Variants in BCLAF3 observed in about 807,000 individuals in gnomAD.
The protein encoded by BCLAF3 is BCLAF1 and THRAP3 family member 3, also known as transient octamer binding factor 1.
In BCLAF3, 24 loss-of-function variants were observed where a neutral mutation model predicts 51.2. That is an observed-to-expected ratio of 0.47 (90% CI 0.34 to 0.66). The LOEUF (loss-of-function observed/expected upper bound fraction) is 0.66, where lower values mean the gene tolerates loss of function less well. Ranked by LOEUF, BCLAF3 falls within the 30% of genes least tolerant of loss-of-function variation. The pLI is 0.01. For synonymous variants in BCLAF3, 152 were observed against 176.6 expected (o/e 0.86, Z 1.10); for missense variants, 465 against 525.1 (o/e 0.89, Z 1.12).
At chrX:19,928,302 G>T (rs1233144308) in intron 11 of BCLAF3, among the ~76,000 whole-genome samples, 1 of 110,695 alleles carries the variant, frequency 9.0e-6, no homozygotes, top group African/African-American at 3.3e-5. Context: ...AGAGTTATCG[G>T]CCAGGCGTGG....
chrX:19,958,195 T>C (rs2071730366), intron 4 of BCLAF3, among the ~76,000 whole-genome samples: 1 of 112,180 alleles, frequency 8.9e-6, no homozygotes, highest in African/African-American at 3.2e-5. Context: ...TAAGGATATT[T>C]CCACTGATGT....
chrX:19,930,636 TG>T, intron 10 of BCLAF3: 1 of 213,850 alleles, frequency 4.7e-6, no homozygotes, highest in South Asian at 5.4e-5. Flanking sequence ...CACTCCAGTC[TG>T]GGTGACAGAG....
intron 4 of BCLAF3, among the ~76,000 whole-genome samples, chrX:19,964,170 C>T (rs2071961373): frequency 9.0e-6 from 1 of 111,358 alleles, no homozygotes. Flanking sequence ...ATAAACATAC[C>T]AAATCAACAT....
In BCLAF3 at chrX:19,976,477, G is replaced by A. The variant is rs1329942077; in HGVS notation, c.-34-6179C>T. 5.4e-5 allele frequency among the ~76,000 whole-genome samples: 6 copies of A among 110,924 alleles called. No individual in the cohort carries two copies. The East Asian group carries it at 8.5e-4, about 16-fold the overall frequency. ...GCAATCTCGGCTCCCTGCAGCCTCCGCCTCTCGGGTTCCAGCGATTCTCCT... is the reference window on the plus strand; with the variant it reads ...GCAATCTCGGCTCCCTGCAGCCTCCACCTCTCGGGTTCCAGCGATTCTCCT... On this transcript the variant is annotated intron_variant, in intron 1 of 11. Coordinates refer to ENST00000379682, the MANE Select transcript of BCLAF3 (RefSeq NM_001367774.2).
At chrX:19,964,402 G>A (rs1226403524) in intron 4 of BCLAF3, among the ~76,000 whole-genome samples, 4 of 111,538 alleles carry the variant, frequency 3.6e-5, no homozygotes, top group Non-Finnish European at 7.5e-5. Context: ...TAAAGTAAAT[G>A]TCTTATAAAT....
intron 1 of BCLAF3, among the ~76,000 whole-genome samples, chrX:19,981,260 T>G (rs1393264506): frequency 1.8e-5 from 2 of 111,339 alleles, no homozygotes; most frequent in Non-Finnish European, 3.8e-5. Context: ...TCTATAAAAC[T>G]TAGAAGAAAA....
intron 4 of BCLAF3, among the ~76,000 whole-genome samples, chrX:19,958,896 C>T (rs992722687): frequency 8.9e-6 from 1 of 112,374 alleles, no homozygotes; most frequent in African/African-American, 3.2e-5. Flanking sequence ...GATTGCTCCT[C>T]CCCTAATTCC....
intron 1 of BCLAF3, among the ~76,000 whole-genome samples, chrX:19,989,445 G>A (rs112530621): frequency 0.018 from 2,031 of 111,823 alleles, 56 homozygotes; most frequent in African/African-American, 0.063. Context: ...GCAGTGAGCC[G>A]AGATCGTGCC....
chrX:19,968,549 C>T (rs2072137156), intron 2 of BCLAF3, among the ~76,000 whole-genome samples: 1 of 113,004 alleles, frequency 8.8e-6, no homozygotes, highest in South Asian at 3.6e-4. Flanking sequence ...AGTGGCTCTG[C>T]AGTCCCAGCC....
chrX:19,959,070 C>T (rs1395392976), intron 4 of BCLAF3, among the ~76,000 whole-genome samples: 1 of 112,679 alleles, frequency 8.9e-6, no homozygotes, highest in Non-Finnish European at 1.9e-5. Flanking sequence ...TCTTACCTTT[C>T]AGTCTCCTTT....
At chrX:19,932,049 A>C (rs942476594) in intron 10 of BCLAF3, among the ~76,000 whole-genome samples, 6 of 112,614 alleles carry the variant, frequency 5.3e-5, no homozygotes, top group Non-Finnish European at 1.1e-4. Context: ...TATGAATTCT[A>C]TACCTTTAAA....
intron 1 of BCLAF3, among the ~76,000 whole-genome samples, chrX:19,989,767 T>G: frequency 9.0e-6 from 1 of 111,526 alleles, no homozygotes; most frequent in South Asian, 3.8e-4. Flanking sequence ...CTTGGAATAG[T>G]GAAACAACGT....
At chrX:19,968,532 T>A (rs186260544) in intron 2 of BCLAF3, among the ~76,000 whole-genome samples, 1 of 112,828 alleles carries the variant, frequency 8.9e-6, no homozygotes, top group Non-Finnish European at 1.9e-5. Flanking sequence ...ACGGCATCCA[T>A]CCAGTCAGTG....
At chrX:19,941,680 T>C (rs1297755335) in intron 8 of BCLAF3, among the ~76,000 whole-genome samples, 1,297 of 109,171 alleles carry the variant, frequency 0.012, 25 homozygotes, top group African/African-American at 0.041. Context: ...TGTAGCCTTG[T>C]AGTATAGTTT....
intron 1 of BCLAF3, among the ~76,000 whole-genome samples, chrX:19,978,204 G>A (rs78855056): frequency 4.5e-5 from 5 of 111,944 alleles, no homozygotes; most frequent in Admixed American, 9.5e-5. Flanking sequence ...TAAGAAATAC[G>A]TTTTGTAAGA....
At chrX:19,927,753 C>T (rs1335919197) in intron 11 of BCLAF3, among the ~76,000 whole-genome samples, 1 of 109,710 alleles carries the variant, frequency 9.1e-6, no homozygotes, top group Non-Finnish European at 1.9e-5. Flanking sequence ...GCAATCCTCC[C>T]ATCTCAGCCT....
chrX:19,918,288 C>G (rs748003514), intron 11 of BCLAF3, among the ~76,000 whole-genome samples: 68 of 110,797 alleles, frequency 6.1e-4, no homozygotes, highest in African/African-American at 2.0e-3. Flanking sequence ...TTCATTGTAT[C>G]CTAGTTCTTT....
At chrX:19,964,472 C>G (rs1342502487) in intron 4 of BCLAF3, among the ~76,000 whole-genome samples, 1 of 110,550 alleles carries the variant, frequency 9.0e-6, no homozygotes, top group Non-Finnish European at 1.9e-5. Flanking sequence ...GTTGGTTGAG[C>G]CCCAGTCATT....
intron 1 of BCLAF3, among the ~76,000 whole-genome samples, 193 bp downstream of exon 1, chrX:19,990,715 C>T (rs2072909635): frequency 8.9e-6 from 1 of 112,799 alleles, no homozygotes; most frequent in African/African-American, 3.2e-5. Context: ...CGCCGGGTCG[C>T]CGCGCCCAAG....
Sources: gnomAD v4.1 joint callset for allele counts (sites outside exome capture counted in the v4.1 genomes callset) on GRCh38, gnomAD v4.1.1 for gene constraint, MANE v1.5 for transcripts, NCBI Gene and HGNC (gene_info 2026-07-23, HGNC 2026-07-21) for gene names.